Variants in ENPP6 observed in about 807,000 individuals in gnomAD.
The protein encoded by ENPP6 is ectonucleotide pyrophosphatase/phosphodiesterase 6, also known as glycerophosphocholine cholinephosphodiesterase ENPP6.
Under a neutral mutation model 42.0 loss-of-function variants are expected in ENPP6, and 32 were observed. The ratio of observed to expected loss-of-function variants is 0.76; its 90% CI spans 0.58 to 1.02. The LOEUF is 1.02. Among genes scored for constraint, ENPP6 ranks in the 50% least tolerant of loss-of-function variants. The probability of loss-of-function intolerance (pLI) is 0.00; values close to 1 mark genes in which losing one functional copy is unlikely to be tolerated. For missense variants in ENPP6, 552 were observed against 566.8 expected, an observed-to-expected ratio of 0.97 and a Z score of 0.27; for synonymous variants, 213 against 216.0, an observed-to-expected ratio of 0.99 and a Z score of 0.12.
intron 1 of ENPP6, among the ~76,000 whole-genome samples, chr4:184,214,882 G>T (rs1042780474): frequency 2.0e-5 from 3 of 152,182 alleles, no homozygotes; most frequent in African/African-American, 4.8e-5. Flanking sequence ...CCTAACGCAT[G>T]CAGGGCTTAA....
chr4:184,101,662 T>A (rs748509346), intron 6 of ENPP6, among the ~76,000 whole-genome samples: 3 of 152,264 alleles, frequency 2.0e-5, no homozygotes, highest in Non-Finnish European at 4.4e-5. Flanking sequence ...GGCTTTCAGT[T>A]TGAAAACCAG....
chr4:184,152,474 C>A (rs779981434), intron 2 of ENPP6, among the ~76,000 whole-genome samples: 20 of 152,174 alleles, frequency 1.3e-4, no homozygotes, highest in Non-Finnish European at 2.5e-4. Flanking sequence ...TCAGCCACTT[C>A]ACCCCATCTC....
chr4:184,196,914 G>A (rs1434715737), intron 1 of ENPP6, among the ~76,000 whole-genome samples: 1 of 152,218 alleles, frequency 6.6e-6, no homozygotes, highest in East Asian at 1.9e-4. Flanking sequence ...GGAATCTCAT[G>A]AGGTCAACTT....
At chr4:184,200,139 G>T (rs1732867980) in intron 1 of ENPP6, among the ~76,000 whole-genome samples, 2 of 152,208 alleles carry the variant, frequency 1.3e-5, no homozygotes, top group Non-Finnish European at 2.9e-5. Flanking sequence ...AAACTCATCT[G>T]GGAGGACAAT....
chr4:184,099,119 A>T (rs1735958312), intron 6 of ENPP6, among the ~76,000 whole-genome samples: 1 of 152,238 alleles, frequency 6.6e-6, no homozygotes, highest in Non-Finnish European at 1.5e-5. Context: ...AGTCAGAGTC[A>T]CACAGCTAGT....
At chr4:184,193,672 G>A (rs4861607) in intron 1 of ENPP6, among the ~76,000 whole-genome samples, 119,094 of 152,138 alleles carry the variant, frequency 0.78, 47,748 homozygotes, top group East Asian at 0.98. Flanking sequence ...TAAAAGATCA[G>A]TTGAGATCAC....
chr4:184,103,328 A>G (rs2111334117), intron 6 of ENPP6, among the ~76,000 whole-genome samples: 1 of 152,358 alleles, frequency 6.6e-6, no homozygotes, highest in Non-Finnish European at 1.5e-5. Context: ...TTGAGGCATC[A>G]CAACAGGTCT....
intron 1 of ENPP6, among the ~76,000 whole-genome samples, chr4:184,206,503 G>A (rs907257433): frequency 2.0e-5 from 3 of 150,982 alleles, no homozygotes; most frequent in Non-Finnish European, 2.9e-5. Context: ...TGATCCGCCC[G>A]TCTCGGCCTC....
At chr4:184,213,075 T>A (rs1440494518) in intron 1 of ENPP6, among the ~76,000 whole-genome samples, 1 of 151,692 alleles carries the variant, frequency 6.6e-6, no homozygotes, top group Non-Finnish European at 1.5e-5. Flanking sequence ...TTACACCTTA[T>A]ACAAAAATCA....
intron 1 of ENPP6, among the ~76,000 whole-genome samples, chr4:184,155,218 G>A (rs1022440948): frequency 2.6e-5 from 4 of 152,220 alleles, no homozygotes; most frequent in Non-Finnish European, 4.4e-5. Context: ...CTATATTATC[G>A]TTTTTAGTAT....
intron 2 of ENPP6, among the ~76,000 whole-genome samples, chr4:184,128,595 C>CAAA (rs35054008): frequency 6.8e-6 from 1 of 146,206 alleles, no homozygotes. Flanking sequence ...AAAGAATGGG[C>CAAA]AAAAAAAAAA....
At chr4:184,198,217 G>A (rs926754436) in intron 1 of ENPP6, among the ~76,000 whole-genome samples, 14 of 152,236 alleles carry the variant, frequency 9.2e-5, no homozygotes, top group Non-Finnish European at 1.8e-4. Context: ...CCACAGAGCT[G>A]GGAAAAGCCC....
Position 184,184,745 on chromosome 4 carries a change from G to A in ENPP6, c.242-31012C>T, listed in dbSNP as rs375094996. On this transcript the variant is annotated intron_variant, in intron 1 of 7. Coordinates refer to ENST00000296741, the MANE Select transcript of ENPP6 (RefSeq NM_153343.4). The surrounding 1 kb of genome is among the most constrained non-coding windows in gnomAD (Gnocchi z 4.7). ...AGTGATGGGTCCACAGGCCCAAAAA[G>A]GCCAAGGAATTCTGGCGGCACCAGC... is the stretch of plus-strand genomic sequence containing the variant. Among the ~76,000 whole-genome samples the A allele has an allele frequency of 6.6e-6, 1 of 152,148 alleles. No homozygotes were observed. The highest frequency in any genetic ancestry group is 2.4e-5 in the African/African-American group (1 of 41,432).
intron 1 of ENPP6, among the ~76,000 whole-genome samples, chr4:184,155,973 A>G (rs1737153666): frequency 6.6e-6 from 1 of 152,142 alleles, no homozygotes; most frequent in South Asian, 2.1e-4. Context: ...GAGCTGTTGT[A>G]TGGCTGGATT....
chr4:184,144,919 G>A (rs1385323680), intron 2 of ENPP6, among the ~76,000 whole-genome samples: 1 of 152,228 alleles, frequency 6.6e-6, no homozygotes, highest in Non-Finnish European at 1.5e-5. Flanking sequence ...AATAGTGTGT[G>A]GCCTGACAGC....
At chr4:184,211,824 A>T (rs1013077945) in intron 1 of ENPP6, among the ~76,000 whole-genome samples, 1 of 151,774 alleles carries the variant, frequency 6.6e-6, no homozygotes, top group African/African-American at 2.4e-5. Context: ...ATGAACATTG[A>T]TGCAAAAATC....
chr4:184,106,602 T>C (rs1426627253), intron 6 of ENPP6, among the ~76,000 whole-genome samples: 1 of 152,130 alleles, frequency 6.6e-6, no homozygotes, highest in Admixed American at 6.5e-5. Flanking sequence ...CAAGCTCCCT[T>C]CTCAGAGAGG....
Position 184,197,766 on chromosome 4 carries a change from G to T in ENPP6, c.241+19813C>A, listed in dbSNP as rs1579660948. Among the ~76,000 whole-genome samples the T allele has an allele frequency of 2.0e-5, 3 of 152,322 alleles. No homozygotes were observed. In the East Asian group the frequency reaches 5.8e-4, roughly 29 times the overall value. Reference sequence around the variant, plus strand: ...AGTGTTATATCTTACACAGAAAAATGCATGCTAAAATAGACTATGAAAGTC... The same window carrying T: ...AGTGTTATATCTTACACAGAAAAATTCATGCTAAAATAGACTATGAAAGTC... On this transcript the variant is annotated intron_variant, in intron 1 of 7. Coordinates refer to ENST00000296741, the MANE Select transcript of ENPP6 (RefSeq NM_153343.4).
chr4:184,127,210 T>C (rs1736519271), intron 2 of ENPP6, among the ~76,000 whole-genome samples: 1 of 152,246 alleles, frequency 6.6e-6, no homozygotes, highest in Non-Finnish European at 1.5e-5. Flanking sequence ...TAATAAAATT[T>C]TGAAACTCAT....
Sources: allele counts gnomAD v4.1 joint callset (sites outside exome capture counted in the v4.1 genomes callset), GRCh38; gene constraint gnomAD v4.1.1; non-coding constraint Gnocchi (gnomAD v3.1); transcripts MANE v1.5; gene names NCBI Gene and HGNC (gene_info 2026-07-23, HGNC 2026-07-21).